BIK: variants seen among roughly 807,000 people sequenced by gnomAD.
BIK encodes bcl-2-interacting killer.
A neutral mutation model predicts 12.1 loss-of-function variants in BIK; 14 were observed. That is an observed-to-expected ratio of 1.16 (90% CI 0.77 to 1.81). The LOEUF (loss-of-function observed/expected upper bound fraction) is 1.81. Among genes scored for constraint, BIK ranks in the 40% most tolerant of loss-of-function variants. BIK has a pLI of 0.00. For missense variants in BIK, 215 were observed against 207.9 expected, an observed-to-expected ratio of 1.03 and a Z score of -0.21; for synonymous variants, 86 against 92.3, an observed-to-expected ratio of 0.93 and a Z score of 0.39.
At chr22:43,117,456 C>T (rs1930137635) in intron 1 of BIK, among the ~76,000 whole-genome samples, 1 of 151,302 alleles carries the variant, frequency 6.6e-6, no homozygotes, top group African/African-American at 2.4e-5. Context: ...GAAAGCTCTG[C>T]CTCCAGGGTT....
chr22:43,114,766 G>C (rs546841923), intron 1 of BIK, among the ~76,000 whole-genome samples: 1 of 152,222 alleles, frequency 6.6e-6, no homozygotes, highest in Non-Finnish European at 1.5e-5. Flanking sequence ...TGGTCAGCAC[G>C]GGTGTGCGCC....
At chr22:43,117,063 C>T (rs893531597) in intron 1 of BIK, among the ~76,000 whole-genome samples, 9 of 152,170 alleles carry the variant, frequency 5.9e-5, no homozygotes, top group Non-Finnish European at 8.8e-5. Flanking sequence ...CTCTGAAAGC[C>T]GCAGGTGGGG....
rs568303165 is a variant in BIK at position 43,129,123 on chromosome 22, C to T, written c.391-90C>T. 1.8e-5 allele frequency: 29 copies of T among 1,595,336 alleles called. No individual in the cohort carries two copies. The South Asian group carries it at 3.1e-4, about 17-fold the overall frequency. On this transcript the variant is annotated intron_variant, in intron 4 of 4. Transcript: ENST00000216115. ...GAGCTCCTTCCCAGTCCCCACCCTC[C>T]TGGGCTTCCCCTTGGCACTCCGCTG...
In BIK at chr22:43,124,198, C is replaced by G; in HGVS notation, c.161+15C>G. ...ATGGAGGGCAGGTAGGTCCCCATGG[C>G]CTGCCCTACCCCCTGCCTGATAGTG... On this transcript the variant is annotated intron_variant, in intron 2 of 4. Transcript: ENST00000216115. The G allele has an allele frequency of 3.1e-6, 5 of 1,612,624 alleles. No individual in the cohort carries two copies. Among genetic ancestry groups the G allele is most frequent in the Non-Finnish European group, 4.2e-6 (5 of 1,179,258 alleles).
chr22:43,118,493 CT>C (rs773996668), intron 1 of BIK, among the ~76,000 whole-genome samples: 9 of 152,190 alleles, frequency 5.9e-5, no homozygotes, highest in African/African-American at 9.7e-5. Flanking sequence ...GGGGGTGGAA[CT>C]GAGGTCCAGC....
chr22:43,122,593 G>GGTACATGATGGTGAATCAGGTCGCA, intron 1 of BIK, among the ~76,000 whole-genome samples: 1 of 152,082 alleles, frequency 6.6e-6, no homozygotes, highest in African/African-American at 2.4e-5. Context: ...GTAAATGTGG[G>GGTACATGATGGTGAATCAGGTCGCA]GTACATGATG....
intron 2 of BIK, among the ~76,000 whole-genome samples, chr22:43,126,793 T>C (rs1246987767): frequency 1.3e-5 from 2 of 152,230 alleles, no homozygotes; most frequent in South Asian, 4.1e-4. Flanking sequence ...ACATGAAGCC[T>C]GGGGCAGTAT....
intron 1 of BIK, among the ~76,000 whole-genome samples, chr22:43,121,438 G>A (rs1465981386): frequency 6.6e-6 from 1 of 152,164 alleles, no homozygotes; most frequent in Non-Finnish European, 1.5e-5. Flanking sequence ...CTGGTGGCTG[G>A]GGCCTTCTTC....
intron 4 of BIK, 64 bp downstream of exon 4, chr22:43,128,689 T>C: frequency 6.5e-7 from 1 of 1,544,124 alleles, no homozygotes; most frequent in Non-Finnish European, 8.7e-7. Context: ...TCAGAGCCGC[T>C]CCTTGGGGCG....
chr22:43,128,843 T>A (rs1474065367), intron 4 of BIK, among the ~76,000 whole-genome samples: 2 of 152,194 alleles, frequency 1.3e-5, no homozygotes, highest in Non-Finnish European at 2.9e-5. Context: ...TCCGAGAGCC[T>A]TCACCTGGCA....
chr22:43,126,964 C>T (rs1196452733), intron 2 of BIK, among the ~76,000 whole-genome samples: 2 of 152,104 alleles, frequency 1.3e-5, no homozygotes, highest in Non-Finnish European at 2.9e-5. Context: ...CCAGGGCCGG[C>T]CTCAGCTCAG....
chr22:43,112,443 C>A (rs1930029500), intron 1 of BIK, among the ~76,000 whole-genome samples: 2 of 151,986 alleles, frequency 1.3e-5, no homozygotes, highest in Non-Finnish European at 2.9e-5. Flanking sequence ...AGGCGATCCA[C>A]CCGCCTCAGC....
chr22:43,121,782 T>TC (rs777233080), intron 1 of BIK, among the ~76,000 whole-genome samples: 1 of 152,240 alleles, frequency 6.6e-6, no homozygotes, highest in Non-Finnish European at 1.5e-5. Flanking sequence ...GCTGGCCGTC[T>TC]ATACAATGTA....
chr22:43,123,977 T>G, intron 1 of BIK, 39 bp from the exon 2 acceptor site: 1 of 1,607,926 alleles, frequency 6.2e-7, no homozygotes, highest in South Asian at 1.1e-5. Context: ...GACTGCTCAG[T>G]TCTTAGGGGT....
chr22:43,116,165 T>A (rs1456499772), intron 1 of BIK, among the ~76,000 whole-genome samples: 1 of 152,228 alleles, frequency 6.6e-6, no homozygotes, highest in Non-Finnish European at 1.5e-5. Flanking sequence ...AGGCTTCCCC[T>A]TTTTGGGGTC....
At chr22:43,128,989 T>C (rs1438581446) in intron 4 of BIK, among the ~76,000 whole-genome samples, 3 of 152,256 alleles carry the variant, frequency 2.0e-5, no homozygotes, top group Non-Finnish European at 2.9e-5. Flanking sequence ...ACCGGGTGTC[T>C]TTGCCTGTGT....
chr22:43,129,300 A>T lies in BIK; in HGVS notation c.478A>T (p.Lys160Ter). The part of the protein sequence containing the change: ...LLSGGLHLLL[K>*] ...CAGCGGGGGCCTGCACCTGCTGCTCAAGTGAGGCCCCGGCGGCTCAGGGCG... is the reference window on the plus strand; with the variant it reads ...CAGCGGGGGCCTGCACCTGCTGCTCTAGTGAGGCCCCGGCGGCTCAGGGCG... Residue 160 changes from lysine (K) to a stop codon, truncating the protein, a stop_gained, in exon 5 of 5, where the codon AAG (lysine) becomes TAG (stop). Coordinates refer to ENST00000216115, the MANE Select transcript of BIK (RefSeq NM_001197.5). LOFTEE classifies it high-confidence loss of function. 1 of 1,599,102 alleles carries T rather than the reference A, an allele frequency of 6.3e-7. No homozygotes were observed. Among genetic ancestry groups the T allele is most frequent in the Non-Finnish European group, 8.5e-7 (1 of 1,178,942 alleles).
At chr22:43,116,622 C>T (rs541376959) in intron 1 of BIK, among the ~76,000 whole-genome samples, 11 of 152,102 alleles carry the variant, frequency 7.2e-5, no homozygotes, top group Non-Finnish European at 1.6e-4. Flanking sequence ...CCACGCCCGG[C>T]TAATTTTTGT....
intron 1 of BIK, among the ~76,000 whole-genome samples, 181 bp from the exon 2 acceptor site, chr22:43,123,835 C>T (rs2147023718): frequency 6.6e-6 from 1 of 152,322 alleles, no homozygotes; most frequent in East Asian, 1.9e-4. Context: ...TGCCCAGAGG[C>T]ACACAGCCAG....
Sources: gnomAD v4.1 joint callset for allele counts (sites outside exome capture counted in the v4.1 genomes callset) on GRCh38, gnomAD v4.1.1 for gene constraint, MANE v1.5 for transcripts, NCBI Gene and HGNC (gene_info 2026-07-23, HGNC 2026-07-21) for gene names.